PDE4D: variants seen among roughly 807,000 people sequenced by gnomAD.
The protein encoded by PDE4D is 3',5'-cyclic-AMP phosphodiesterase 4D.
Under a neutral mutation model 87.4 loss-of-function variants are expected in PDE4D, and 24 were observed. The ratio of observed to expected loss-of-function variants is 0.27; its 90% CI spans 0.20 to 0.39. The LOEUF (loss-of-function observed/expected upper bound fraction) is 0.39. PDE4D is among the 10% of genes least tolerant of loss of function. The probability of loss-of-function intolerance (pLI) is 1.00; values close to 1 mark genes in which losing one functional copy is unlikely to be tolerated. For missense variants in PDE4D, 714 were observed against 1,041.0 expected (o/e 0.69, Z 4.32); for synonymous variants, 384 against 383.2 (o/e 1.00, Z -0.02).
chr5:59,643,725 C>T (rs946676806), intron 1 of PDE4D, among the ~76,000 whole-genome samples: 1 of 152,238 alleles, frequency 6.6e-6, no homozygotes, highest in Admixed American at 6.5e-5. Flanking sequence ...GACAAGAAAG[C>T]AAGTATGGAT....
At chr5:60,099,336 A>G (rs940608489) in intron 2 of PDE4D, among the ~76,000 whole-genome samples, 1 of 151,972 alleles carries the variant, frequency 6.6e-6, no homozygotes, top group African/African-American at 2.4e-5. Context: ...CTAGACATCC[A>G]TATTCCTACC....
intron 2 of PDE4D, chr5:60,127,539 T>A: frequency 2.2e-6 from 1 of 454,050 alleles, no homozygotes; most frequent in Non-Finnish European, 3.9e-6. Flanking sequence ...ATGCAGCGCA[T>A]AACTGGAAGG....
At chr5:59,869,646 G>A (rs559547586) in intron 1 of PDE4D, among the ~76,000 whole-genome samples, 4 of 152,214 alleles carry the variant, frequency 2.6e-5, no homozygotes, top group Admixed American at 2.0e-4. Context: ...TCGTTTTCTC[G>A]TAATTACCAG....
chr5:59,749,679 C>A (rs1449850134), intron 1 of PDE4D, among the ~76,000 whole-genome samples: 1 of 152,142 alleles, frequency 6.6e-6, no homozygotes, highest in Non-Finnish European at 1.5e-5. Flanking sequence ...AGTGCCCCAA[C>A]TGTCTCAGGT....
rs112588158 is a variant in PDE4D at position 60,151,789 on chromosome 5, T to C, written c.42+33768A>G. Among the ~76,000 whole-genome samples, 1,178 of 152,292 alleles carry C rather than the reference T, an allele frequency of 7.7e-3. 13 individuals are homozygous for C. The highest frequency in any genetic ancestry group is 0.027 in the African/African-American group (1,124 of 41,588). On this transcript the variant is annotated intron_variant, in intron 2 of 16. Transcript: ENST00000502484. ...CTTCCATTACTGTGTTGAACAAAAA[T>C]GGCAAAAATGGATGTCCTTGCCTTG...
intron 1 of PDE4D, among the ~76,000 whole-genome samples, chr5:59,553,938 A>G (rs1372278256): frequency 1.3e-5 from 2 of 152,150 alleles, no homozygotes; most frequent in Non-Finnish European, 2.9e-5. Flanking sequence ...CAAAGTATAT[A>G]ATACAATAAT....
At chr5:60,335,044 C>T (rs1000904596) in intron 1 of PDE4D, 3 of 152,210 alleles carry the variant, frequency 2.0e-5, no homozygotes, top group Admixed American at 6.6e-5. Context: ...AGACAGCCAC[C>T]TGTATGCAAT....
At chr5:60,317,210 T>C (rs1313219179) in intron 1 of PDE4D, among the ~76,000 whole-genome samples, 1 of 152,208 alleles carries the variant, frequency 6.6e-6, no homozygotes, top group Non-Finnish European at 1.5e-5. Flanking sequence ...CCTGGTTTAG[T>C]CTTGGGAGGG....
intron 6 of PDE4D, among the ~76,000 whole-genome samples, chr5:59,016,228 TAACA>T (rs1273721417): frequency 1.3e-5 from 2 of 152,042 alleles, no homozygotes; most frequent in Non-Finnish European, 1.5e-5. Flanking sequence ...TATACATATG[TAACA>T]AACCTGCACA....
intron 1 of PDE4D, among the ~76,000 whole-genome samples, chr5:59,726,542 G>A (rs1756619312): frequency 6.6e-6 from 1 of 152,066 alleles, no homozygotes; most frequent in South Asian, 2.1e-4. Flanking sequence ...GCCCCCAATA[G>A]AACCTAAACA....
intron 1 of PDE4D, chr5:59,586,954 G>A: frequency 1.0e-6 from 1 of 985,380 alleles, no homozygotes; most frequent in Non-Finnish European, 1.2e-6. Context: ...ACAAAGGCCT[G>A]GGCAGAGGGG....
At chr5:59,612,934 T>C (rs1829190668) in intron 1 of PDE4D, among the ~76,000 whole-genome samples, 1 of 151,932 alleles carries the variant, frequency 6.6e-6, no homozygotes, top group Non-Finnish European at 1.5e-5. Context: ...GAAAAAATAG[T>C]AGATTATTAT....
At chr5:59,393,897 G>C (rs1788754678) in intron 1 of PDE4D, among the ~76,000 whole-genome samples, 1 of 152,150 alleles carries the variant, frequency 6.6e-6, no homozygotes, top group Non-Finnish European at 1.5e-5. Flanking sequence ...AATTAAAAGT[G>C]GAAGATAAAT....
At position 60,224,308 on chromosome 5, in the gene PDE4D, C is replaced by T. The variant is rs150140503; in HGVS notation, c.-89-38621G>A. 9.2e-5 allele frequency among the ~76,000 whole-genome samples: 14 copies of T among 152,188 alleles called. No homozygotes were observed. The East Asian group carries it at 2.7e-3, about 30-fold the overall frequency. ...GTCTATTGCAGCCCTCTTCTAAGAG[C>T]ACATGAAGAGCTATGACCTGGTTAT... On this transcript the variant is annotated intron_variant, in intron 1 of 16. Transcript: ENST00000502484.
chr5:60,369,447 C>T (rs1760826731), intron 1 of PDE4D, among the ~76,000 whole-genome samples: 1 of 152,156 alleles, frequency 6.6e-6, no homozygotes, highest in Non-Finnish European at 1.5e-5. Context: ...CATTAAGCCT[C>T]TTCAATACCC....
At chr5:60,320,020 G>A (rs1012467377) in intron 1 of PDE4D, among the ~76,000 whole-genome samples, 11 of 152,200 alleles carry the variant, frequency 7.2e-5, no homozygotes, top group Non-Finnish European at 1.6e-4. Context: ...GTCAGACAGG[G>A]ACATTTAAGT....
chr5:59,988,420 C>G, intron 3 of PDE4D: 10 of 1,037,678 alleles, frequency 9.6e-6, no homozygotes, highest in South Asian at 1.9e-5. Flanking sequence ...CACAAAAACT[C>G]AAAAGACCAC....
intron 1 of PDE4D, among the ~76,000 whole-genome samples, chr5:59,257,957 G>T (rs1761289045): frequency 6.6e-6 from 1 of 151,908 alleles, no homozygotes; most frequent in African/African-American, 2.4e-5. Flanking sequence ...CCCAGTCAAA[G>T]ACAAACACTG....
intron 1 of PDE4D, among the ~76,000 whole-genome samples, chr5:60,241,331 T>G (rs1453610721): frequency 7.0e-6 from 1 of 143,166 alleles, no homozygotes; most frequent in East Asian, 2.2e-4. Context: ...TGGAGGGTAG[T>G]GGTGTGATCT....
Sources: allele counts gnomAD v4.1 joint callset (sites outside exome capture counted in the v4.1 genomes callset), GRCh38; gene constraint gnomAD v4.1.1; transcripts MANE v1.5; gene names NCBI Gene and HGNC (gene_info 2026-07-23, HGNC 2026-07-21).